The following TRIM24 variants were observed in gnomAD, a reference collection of about 807,000 sequenced individuals.
TRIM24 encodes the protein transcription intermediary factor 1-alpha.
Under a neutral mutation model 123.9 loss-of-function variants are expected in TRIM24, and 29 were observed. The observed-to-expected ratio is 0.23, with a 90% CI of 0.17 to 0.32. The LOEUF (loss-of-function observed/expected upper bound fraction) is 0.32, where lower values mean the gene tolerates loss of function less well. Ranked by LOEUF, TRIM24 falls within the 10% of genes least tolerant of loss-of-function variation. The pLI, the probability that TRIM24 is intolerant of heterozygous loss-of-function variation, is 1.00. For missense variants in TRIM24, 932 were observed against 1,295.3 expected, an observed-to-expected ratio of 0.72 and a Z score of 4.31; for synonymous variants, 456 against 461.1, an observed-to-expected ratio of 0.99 and a Z score of 0.14.
intron 7 of TRIM24, among the ~76,000 whole-genome samples, chr7:138,545,265 A>G (rs1384787214): frequency 6.6e-6 from 1 of 152,092 alleles, no homozygotes; most frequent in Non-Finnish European, 1.5e-5. Flanking sequence ...CAGCATGGTG[A>G]CTGAGGTCAC....
At chr7:138,561,066 T>A (rs1342640789) in intron 9 of TRIM24, among the ~76,000 whole-genome samples, 2 of 152,144 alleles carry the variant, frequency 1.3e-5, no homozygotes, top group Non-Finnish European at 2.9e-5. Context: ...TATATATAGC[T>A]CCATGAACAT....
At chr7:138,501,393 G>A (rs1266514799) in intron 1 of TRIM24, among the ~76,000 whole-genome samples, 3 of 151,894 alleles carry the variant, frequency 2.0e-5, no homozygotes, top group Non-Finnish European at 4.4e-5. Flanking sequence ...ACTGCACCCG[G>A]CCAATTTGTG....
chr7:138,545,705 A>AG (rs1224680284), intron 7 of TRIM24, among the ~76,000 whole-genome samples: 7 of 152,114 alleles, frequency 4.6e-5, no homozygotes, highest in Non-Finnish European at 5.9e-5. Flanking sequence ...TACCAAAGAA[A>AG]GGGGGGGAAA....
At chr7:138,559,118 G>A (rs1194478383) in intron 9 of TRIM24, among the ~76,000 whole-genome samples, 2 of 152,134 alleles carry the variant, frequency 1.3e-5, no homozygotes, top group Admixed American at 6.5e-5. Context: ...GTCTCAATAG[G>A]TGGGGACTTA....
intron 17 of TRIM24, among the ~76,000 whole-genome samples, chr7:138,582,067 T>G (rs1797906584): frequency 6.6e-6 from 1 of 152,184 alleles, no homozygotes; most frequent in Non-Finnish European, 1.5e-5. Flanking sequence ...TTAGGCATGT[T>G]TCCGAAGCTG....
At chr7:138,518,333 G>A (rs187691489) in intron 3 of TRIM24, among the ~76,000 whole-genome samples, 2 of 152,236 alleles carry the variant, frequency 1.3e-5, no homozygotes, top group South Asian at 2.1e-4. Flanking sequence ...CCAGAGGAGT[G>A]CACACCAGGT....
rs763126350 is a variant in TRIM24 at position 138,579,315 on chromosome 7, C to G, written c.2368C>G (p.Pro790Ala). 30 of 1,614,024 alleles carry G rather than the reference C, an allele frequency of 1.9e-5. No individual in the cohort carries two copies. The highest frequency in any genetic ancestry group is 2.5e-5 in the Non-Finnish European group (29 of 1,180,030). ...SDAPDSTGDQ[P>A]GLHQDNSSNG... The stretch of plus-strand genomic sequence containing the variant: ...TGCCCCTGATAGTACAGGAGATCAA[C>G]CTGGACTTCACCAGGACAATTCCTC... The change falls in exon 15 of 19, where the codon CCT becomes GCT. Residue 790 changes from proline (P) to alanine (A), a missense_variant. Pro to Ala is a conservative substitution (Grantham distance 27). Transcript: ENST00000343526.
Position 138,573,579 on chromosome 7 carries a change from A to G in TRIM24, c.1951A>G (p.Arg651Gly). ...KDTNIDHGQP[R>G]PPSNRTVQSP... ...TACTAATATAGATCATGGCCAGCCA[A>G]GACCACCCTCAAACAGAACGGTCCA... is the stretch of plus-strand genomic sequence containing the variant. The change falls in exon 12 of 19, where the codon AGA becomes GGA. Residue 651 changes from arginine to glycine, a missense_variant. By Grantham distance (125) the Arg-to-Gly change is moderately radical. This residue lies in a region of TRIM24 where 527 missense variants were observed against 691.3 expected (regional missense o/e 0.76). Transcript: ENST00000343526. 6.2e-7 allele frequency: 1 copy of G among 1,614,112 alleles called. No individual in the cohort carries two copies. The highest frequency in any genetic ancestry group is 1.3e-5 in the African/African-American group (1 of 75,044).
chr7:138,571,695 T>C (rs1242736860), intron 11 of TRIM24, among the ~76,000 whole-genome samples: 1 of 152,350 alleles, frequency 6.6e-6, no homozygotes, highest in East Asian at 1.9e-4. Context: ...TCCAAACTCT[T>C]TGTCAGTATG....
At chr7:138,581,409 T>C (rs868778778) in intron 16 of TRIM24, among the ~76,000 whole-genome samples, 61 of 152,338 alleles carry the variant, frequency 4.0e-4, no homozygotes, top group Middle Eastern at 3.4e-3. Flanking sequence ...TCTTCCTTTA[T>C]AGACTATTAC....
At chr7:138,474,877 G>A (rs983838630) in intron 1 of TRIM24, among the ~76,000 whole-genome samples, 1 of 152,146 alleles carries the variant, frequency 6.6e-6, no homozygotes, top group African/African-American at 2.4e-5. Context: ...AAAACAATAG[G>A]GAAGATGTTC....
At chr7:138,560,460 C>T (rs996944456) in intron 9 of TRIM24, among the ~76,000 whole-genome samples, 4 of 152,170 alleles carry the variant, frequency 2.6e-5, no homozygotes, top group African/African-American at 4.8e-5. Context: ...GCCTCTGGCT[C>T]GGGGCAGCTC....
intron 1 of TRIM24, among the ~76,000 whole-genome samples, chr7:138,476,426 C>T (rs1401430377): frequency 6.6e-6 from 1 of 151,820 alleles, no homozygotes; most frequent in Non-Finnish European, 1.5e-5. Context: ...AATCCTGTCT[C>T]TACTAAAAAT....
Position 138,585,154 on chromosome 7 carries a change from A to G in TRIM24, c.*203A>G, listed in dbSNP as rs1274751193. The G allele has an allele frequency of 5.0e-5, 20 of 396,828 alleles. No individual in the cohort carries two copies. The highest frequency in any genetic ancestry group is 2.2e-4 in the South Asian group (3 of 13,600). The allele number at this position is 396,828 out of a possible 1,614,324, so 24.6% of individuals were successfully genotyped here. A position where few individuals can be genotyped will look rare whatever the true frequency, so the allele number is the denominator to read the frequency against. ...AGAAAGAAAGGAAAGAAGGAGATGA[A>G]TAGAAGAAAGAAAATGGAAAGAAGG... On this transcript the variant is annotated 3_prime_UTR_variant, in exon 19 of 19. Coordinates refer to ENST00000343526, the MANE Select transcript of TRIM24 (RefSeq NM_015905.3).
chr7:138,575,174 T>C (rs17364560), intron 12 of TRIM24, among the ~76,000 whole-genome samples: 40,539 of 152,114 alleles, frequency 0.27, 6,164 homozygotes, highest in East Asian at 0.5. Context: ...GATATATCAA[T>C]CAACCTTAGC....
intron 9 of TRIM24, among the ~76,000 whole-genome samples, chr7:138,557,819 C>T (rs970202473): frequency 3.3e-5 from 5 of 152,040 alleles, no homozygotes; most frequent in African/African-American, 9.7e-5. Flanking sequence ...GCCCTTGCAG[C>T]GACATTAGTC....
chr7:138,542,360 G>A (rs926200365), intron 7 of TRIM24, among the ~76,000 whole-genome samples: 1 of 152,236 alleles, frequency 6.6e-6, no homozygotes. Flanking sequence ...CTGAGACTAC[G>A]GAGGCCTGAG....
intron 11 of TRIM24, among the ~76,000 whole-genome samples, chr7:138,571,565 A>G (rs905811543): frequency 6.6e-6 from 1 of 152,176 alleles, no homozygotes; most frequent in African/African-American, 2.4e-5. Flanking sequence ...ATATGCTGGG[A>G]CGTTGAATGG....
intron 7 of TRIM24, among the ~76,000 whole-genome samples, chr7:138,539,727 T>C (rs1796964464): frequency 6.6e-6 from 1 of 151,786 alleles, no homozygotes; most frequent in South Asian, 2.1e-4. Context: ...GTTTTGATTA[T>C]AAATACTGTA....
Sources: allele counts gnomAD v4.1 joint callset (sites outside exome capture counted in the v4.1 genomes callset), GRCh38; gene constraint gnomAD v4.1.1; regional missense constraint gnomAD v4.1.1; transcripts MANE v1.5; gene names NCBI Gene and HGNC (gene_info 2026-07-23, HGNC 2026-07-21).